The following PRDM6 variants were observed in gnomAD, a reference collection of about 807,000 sequenced individuals.
PRDM6 encodes PR/SET domain 6, also known as putative histone-lysine N-methyltransferase PRDM6.
In PRDM6, 25 loss-of-function variants were observed where a neutral mutation model predicts 60.8. The observed-to-expected ratio is 0.41, with a 90% confidence interval of 0.30 to 0.57. The LOEUF (loss-of-function observed/expected upper bound fraction) is 0.57. Among genes scored for constraint, PRDM6 ranks in the 20% least tolerant of loss-of-function variants. The probability of loss-of-function intolerance (pLI) is 0.27; values close to 1 mark genes in which losing one functional copy is unlikely to be tolerated. For synonymous variants in PRDM6, 407 were observed against 357.4 expected (o/e 1.14, Z -1.57); for missense variants, 839 against 821.3 (o/e 1.02, Z -0.26).
intron 3 of PRDM6, among the ~76,000 whole-genome samples, chr5:123,142,723 C>G (rs1172640589): frequency 6.6e-6 from 1 of 151,730 alleles, no homozygotes; most frequent in African/African-American, 2.4e-5. Context: ...TGATTTCTAA[C>G]CTAAAAATAT....
intron 3 of PRDM6, among the ~76,000 whole-genome samples, chr5:123,127,391 C>T (rs1356206733): frequency 6.6e-6 from 1 of 152,130 alleles, no homozygotes; most frequent in South Asian, 2.1e-4. Context: ...GAAAATATAA[C>T]AGTTGGGGAG....
At chr5:123,175,098 C>T (rs1421365102) in intron 6 of PRDM6, among the ~76,000 whole-genome samples, 4 of 152,102 alleles carry the variant, frequency 2.6e-5, no homozygotes, top group Non-Finnish European at 5.9e-5. Flanking sequence ...TTTTGCTCAG[C>T]ACTCCCATTG....
intron 3 of PRDM6, among the ~76,000 whole-genome samples, chr5:123,139,454 C>T (rs759410418): frequency 6.6e-6 from 1 of 151,482 alleles, no homozygotes; most frequent in Non-Finnish European, 1.5e-5. Flanking sequence ...AAGAGATGCA[C>T]CTAATAGTTT....
At chr5:123,138,198 T>G (rs1765011913) in intron 3 of PRDM6, among the ~76,000 whole-genome samples, 1 of 152,204 alleles carries the variant, frequency 6.6e-6, no homozygotes, top group South Asian at 2.1e-4. Context: ...AGCACATGAG[T>G]GAATATTGGT....
intron 3 of PRDM6, among the ~76,000 whole-genome samples, chr5:123,109,189 G>C (rs971512007): frequency 1.7e-4 from 10 of 59,592 alleles, no homozygotes; most frequent in African/African-American, 6.9e-4. Context: ...ATACATGAAA[G>C]TGTTAACAAA....
intron 1 of PRDM6, 128 bp downstream of exon 1, chr5:123,089,647 C>T: frequency 4.2e-6 from 1 of 235,916 alleles, no homozygotes; most frequent in East Asian, 1.1e-4. Context: ...GCGGCTCGGG[C>T]GCTGCGCCAC....
At position 123,090,415 on chromosome 5, in the gene PRDM6, C is replaced by G; in HGVS notation, c.401C>G (p.Pro134Arg). ...GCCGTCGCCGCCGAGCCGCTGCCCC[C>G]CAAGGAACTGTGCCTCGGCGCCACC... is the stretch of plus-strand genomic sequence containing the variant. ...AAAVAAEPLP[P>R]KELCLGATSG... The change falls in exon 2 of 8, where the codon CCC becomes CGC. Residue 134 changes from proline to arginine, a missense_variant. Around this residue, in one of 2 missense-constraint regions of PRDM6, gnomAD observed 730 missense variants for 648.8 expected, o/e 1.13. Transcript: ENST00000407847. The G allele has an allele frequency of 6.8e-7, 1 of 1,461,732 alleles. No individual in the cohort carries two copies. The highest frequency in any genetic ancestry group is 9.0e-7 in the Non-Finnish European group (1 of 1,115,020). 90.5% of individuals were successfully genotyped at this position (1,461,732 alleles called of 1,614,324 possible).
chr5:123,114,567 T>C (rs1764391239), intron 3 of PRDM6, among the ~76,000 whole-genome samples: 1 of 152,240 alleles, frequency 6.6e-6, no homozygotes, highest in South Asian at 2.1e-4. Context: ...GAAATAGTTC[T>C]GCTAAAAAAT....
At chr5:123,116,445 A>T (rs1302475759) in intron 3 of PRDM6, among the ~76,000 whole-genome samples, 3 of 152,242 alleles carry the variant, frequency 2.0e-5, no homozygotes, top group African/African-American at 7.2e-5. Context: ...ACTCGGCATC[A>T]CCAAGGTAAT....
At position 123,155,866 on chromosome 5, in the gene PRDM6, T is replaced by A; in HGVS notation, c.901-18T>A. ...GATGATTCGTTCTAACTACTTGACCTTCTGACCTCTTCTCCAGATATATGA... is the reference window on the plus strand; with the variant it reads ...GATGATTCGTTCTAACTACTTGACCATCTGACCTCTTCTCCAGATATATGA... On this transcript the variant is annotated intron_variant, in intron 3 of 7. Transcript: ENST00000407847. 1 of 1,549,058 alleles carries A rather than the reference T, an allele frequency of 6.5e-7. No homozygotes were observed. The highest frequency in any genetic ancestry group is 8.7e-7 in the Non-Finnish European group (1 of 1,146,186).
chr5:123,125,482 C>G (rs980997320), intron 3 of PRDM6, among the ~76,000 whole-genome samples: 18 of 152,212 alleles, frequency 1.2e-4, no homozygotes, highest in Non-Finnish European at 1.5e-5. Flanking sequence ...TTTATTTATG[C>G]AGACATAATT....
intron 3 of PRDM6, among the ~76,000 whole-genome samples, chr5:123,130,887 T>TA (rs926690804): frequency 2.4e-4 from 36 of 152,194 alleles, no homozygotes; most frequent in African/African-American, 8.7e-4. Flanking sequence ...TTTAAAATGA[T>TA]AAAGCCCATG....
intron 3 of PRDM6, among the ~76,000 whole-genome samples, chr5:123,154,093 TCAA>T (rs2126871355): frequency 6.6e-6 from 1 of 151,550 alleles, no homozygotes; most frequent in African/African-American, 2.4e-5. Flanking sequence ...TCTGAGGCTG[TCAA>T]CAACAGTTTC....
intron 3 of PRDM6, among the ~76,000 whole-genome samples, chr5:123,105,939 T>C (rs2150210409): frequency 1.3e-5 from 2 of 152,358 alleles, no homozygotes; most frequent in South Asian, 2.1e-4. Flanking sequence ...CAATCCTTTT[T>C]GTGTAGGCCC....
chr5:123,131,665 G>A (rs932986510), intron 3 of PRDM6, among the ~76,000 whole-genome samples: 4 of 152,036 alleles, frequency 2.6e-5, no homozygotes, highest in African/African-American at 4.8e-5. Context: ...ATGATGCATC[G>A]GAGTCATAAA....
At chr5:123,126,320 C>T (rs1764693484) in intron 3 of PRDM6, among the ~76,000 whole-genome samples, 1 of 151,980 alleles carries the variant, frequency 6.6e-6, no homozygotes, top group Admixed American at 6.6e-5. Context: ...CACTATATCT[C>T]TTTTGCTTAG....
intron 3 of PRDM6, among the ~76,000 whole-genome samples, chr5:123,125,404 T>G (rs1030762271): frequency 3.3e-5 from 5 of 152,170 alleles, no homozygotes; most frequent in Non-Finnish European, 7.3e-5. Context: ...ACAATGTTAA[T>G]GGAGGTTTAC....
intron 4 of PRDM6, among the ~76,000 whole-genome samples, chr5:123,157,776 A>G (rs1270115390): frequency 6.6e-6 from 1 of 152,234 alleles, no homozygotes; most frequent in Non-Finnish European, 1.5e-5. Flanking sequence ...GATTTGTAAT[A>G]TCTAAATGGA....
At chr5:123,124,480 A>G (rs766909078) in intron 3 of PRDM6, among the ~76,000 whole-genome samples, 13 of 152,332 alleles carry the variant, frequency 8.5e-5, no homozygotes, top group Non-Finnish European at 1.5e-4. Flanking sequence ...CCATTGGTAA[A>G]TGTATTTACC....
Sources: gnomAD v4.1 joint callset for allele counts (sites outside exome capture counted in the v4.1 genomes callset) on GRCh38, gnomAD v4.1.1 for gene constraint, gnomAD v4.1.1 regional missense constraint, MANE v1.5 for transcripts, NCBI Gene and HGNC (gene_info 2026-07-23, HGNC 2026-07-21) for gene names.